CGNL1: variants seen among roughly 807,000 people sequenced by gnomAD.
The protein encoded by CGNL1 is cingulin like 1, also known as cingulin-like protein 1.
In CGNL1, 132 loss-of-function variants were observed where a neutral mutation model predicts 141.2. The observed-to-expected ratio is 0.93, with a 90% CI of 0.81 to 1.08. CGNL1 has a LOEUF of 1.08. Among genes scored for constraint, CGNL1 ranks in the 50% least tolerant of loss-of-function variants. The pLI is 0.00. For missense variants in CGNL1, 1,870 were observed against 1,588.6 expected (o/e 1.18, Z -3.01); for synonymous variants, 690 against 622.1 (o/e 1.11, Z -1.63).
chr15:57,424,103 C>G (rs1041020630), intron 1 of CGNL1, among the ~76,000 whole-genome samples: 2 of 152,344 alleles, frequency 1.3e-5, no homozygotes, highest in East Asian at 3.9e-4. Context: ...CTCCTGCCCA[C>G]TCCTCTGCCC....
Position 57,458,756 on chromosome 15 carries a change from C to T in CGNL1, c.2191-2924C>T, listed in dbSNP as rs987000059. 7.9e-5 allele frequency among the ~76,000 whole-genome samples: 12 copies of T among 152,102 alleles called. No homozygotes were observed. The South Asian group carries it at 1.2e-3, about 16-fold the overall frequency. ...TCTTCCTTAAGAAGGGGCTGGGCAG[C>T]GGCAGCAGGGCGTCCTCTTTGATAA... On this transcript the variant is annotated intron_variant, in intron 7 of 18. Coordinates refer to ENST00000281282, the MANE Select transcript of CGNL1 (RefSeq NM_032866.5).
Position 57,405,774 on chromosome 15 carries a change from C to CTTTCTT in CGNL1, c.-16+29209_-16+29214dup, listed in dbSNP as rs1491048326. On this transcript the variant is annotated intron_variant, in intron 1 of 18. Coordinates refer to ENST00000281282, the MANE Select transcript of CGNL1 (RefSeq NM_032866.5). Reference sequence around the variant, plus strand: ...TTTTTCTTTTTCTTTCTTTCTTTCTCTTTCTTTCTTTCTTTCTTTCTTTCT... The same window carrying CTTTCTT: ...TTTTTCTTTTTCTTTCTTTCTTTCTCTTTCTTTTTCTTTCTTTCTTTCTTTCTTTCT... 3.9e-3 allele frequency among the ~76,000 whole-genome samples: 100 copies of CTTTCTT among 25,730 alleles called. 1 individual carries two copies. Among genetic ancestry groups the CTTTCTT allele is most frequent in the African/African-American group, 0.011 (95 of 8,344 alleles). The allele number at this position is 25,730 out of a possible 152,430, so 16.9% of individuals were successfully genotyped here.
At chr15:57,442,182 G>GGAAAAAAAA (rs1491455852) in intron 3 of CGNL1, among the ~76,000 whole-genome samples, 191 bp from the exon 4 acceptor site, 27 of 96,504 alleles carry the variant, frequency 2.8e-4, no homozygotes, top group Admixed American at 8.5e-4. Flanking sequence ...TCATTTATTT[G>GGAAAAAAAA]AAAAAAAAAA....
intron 1 of CGNL1, among the ~76,000 whole-genome samples, chr15:57,378,799 A>G (rs1204830249): frequency 6.6e-6 from 1 of 152,222 alleles, no homozygotes; most frequent in African/African-American, 2.4e-5. Flanking sequence ...ATTTTGAAAA[A>G]TACAAAAATG....
chr15:57,507,978 A>G (rs918671411), intron 8 of CGNL1, among the ~76,000 whole-genome samples: 2 of 152,248 alleles, frequency 1.3e-5, no homozygotes, highest in African/African-American at 4.8e-5. Context: ...TCGTCATCAT[A>G]CATGAATTGT....
At chr15:57,413,444 A>G (rs1446730759) in intron 1 of CGNL1, among the ~76,000 whole-genome samples, 1 of 152,022 alleles carries the variant, frequency 6.6e-6, no homozygotes, top group East Asian at 1.9e-4. Context: ...TGCCTGGCAA[A>G]TTTTTGTGAA....
intron 8 of CGNL1, among the ~76,000 whole-genome samples, chr15:57,468,724 C>T (rs73419989): frequency 0.012 from 1,778 of 152,210 alleles, 31 homozygotes; most frequent in African/African-American, 0.04. Flanking sequence ...TTGGCTATGT[C>T]CCCACCTAAA....
chr15:57,472,057 C>G (rs181185016), intron 8 of CGNL1, among the ~76,000 whole-genome samples: 107 of 151,876 alleles, frequency 7.0e-4, no homozygotes, highest in African/African-American at 2.5e-3. Flanking sequence ...GGTAAGAGAG[C>G]AAGACCCCCA....
At chr15:57,530,560 C>G (rs1462589806) in intron 13 of CGNL1, among the ~76,000 whole-genome samples, 2 of 152,180 alleles carry the variant, frequency 1.3e-5, no homozygotes, top group Admixed American at 1.3e-4. Flanking sequence ...AAATGCAGCT[C>G]TTGTGGATCC....
At chr15:57,398,447 C>A (rs8038172) in intron 1 of CGNL1, 57,640 of 151,918 alleles carry the variant, frequency 0.38, 11,277 homozygotes, top group East Asian at 0.6. Flanking sequence ...ATCATATCAC[C>A]ATTTTCCTGT....
chr15:57,531,883 G>A, intron 14 of CGNL1, 104 bp downstream of exon 14: 1 of 712,874 alleles, frequency 1.4e-6, no homozygotes, highest in Non-Finnish European at 2.5e-6. Flanking sequence ...AAAAATTCAT[G>A]CCATCTAGAA....
intron 8 of CGNL1, among the ~76,000 whole-genome samples, chr15:57,515,028 A>C (rs921466080): frequency 2.0e-5 from 3 of 152,022 alleles, no homozygotes; most frequent in Non-Finnish European, 4.4e-5. Flanking sequence ...TTAATAGGAG[A>C]GTTAGGGCAG....
At chr15:57,504,963 G>A (rs531271420) in intron 8 of CGNL1, among the ~76,000 whole-genome samples, 23 of 152,288 alleles carry the variant, frequency 1.5e-4, no homozygotes, top group African/African-American at 4.8e-4. Context: ...AGCAGTCCTG[G>A]GGAAGGTCTT....
At chr15:57,530,900 T>C (rs2031915851) in intron 13 of CGNL1, among the ~76,000 whole-genome samples, 2 of 152,222 alleles carry the variant, frequency 1.3e-5, no homozygotes, top group African/African-American at 4.8e-5. Context: ...ATTTAAAACT[T>C]GGAATGCCAA....
At chr15:57,396,213 T>C (rs574671253) in intron 1 of CGNL1, among the ~76,000 whole-genome samples, 1 of 152,258 alleles carries the variant, frequency 6.6e-6, no homozygotes, top group East Asian at 1.9e-4. Context: ...CTTCTACTGT[T>C]GATGGACTTT....
At position 57,416,319 on chromosome 15, in the gene CGNL1, C is replaced by G. The variant is rs186511390; in HGVS notation, c.-15-21666C>G. On this transcript the variant is annotated intron_variant, in intron 1 of 18. Coordinates refer to ENST00000281282, the MANE Select transcript of CGNL1 (RefSeq NM_032866.5). Reference sequence around the variant, plus strand: ...TCAGAGTTGCAGGTTGGTAACTTGCCCAAAGTCTCACTGCTTGTTTAGGCA... The same window carrying G: ...TCAGAGTTGCAGGTTGGTAACTTGCGCAAAGTCTCACTGCTTGTTTAGGCA... Among the ~76,000 whole-genome samples the G allele has an allele frequency of 3.3e-5, 5 of 151,922 alleles. No homozygotes were observed. In the South Asian group the frequency reaches 8.3e-4, roughly 25 times the overall value.
In CGNL1 at chr15:57,442,554, G is replaced by T. The variant is rs534546798; in HGVS notation, c.1803+76G>T. The stretch of plus-strand genomic sequence containing the variant: ...AAACAACTTGCTGTTTCTTCAGTCT[G>T]TATGTTTGTTTATAGCAGTAAGTGG... On this transcript the variant is annotated intron_variant, in intron 4 of 18. Coordinates refer to ENST00000281282, the MANE Select transcript of CGNL1 (RefSeq NM_032866.5). The T allele has an allele frequency of 5.9e-5, 54 of 909,906 alleles. No homozygotes were observed. In the African/African-American group the frequency reaches 8.4e-4, roughly 14 times the overall value. 56.4% of individuals were successfully genotyped at this position (909,906 alleles called of 1,614,324 possible).
At chr15:57,516,291 C>T (rs1172653822) in intron 8 of CGNL1, among the ~76,000 whole-genome samples, 1 of 152,096 alleles carries the variant, frequency 6.6e-6, no homozygotes, top group Non-Finnish European at 1.5e-5. Context: ...TGCAGTTCCT[C>T]CTAAGTGATC....
intron 8 of CGNL1, among the ~76,000 whole-genome samples, chr15:57,471,559 G>C (rs1410690808): frequency 6.6e-6 from 1 of 152,224 alleles, no homozygotes; most frequent in Non-Finnish European, 1.5e-5. Context: ...TAGTTGGGTA[G>C]AGAAGGAGGT....
Sources: gnomAD v4.1 joint callset for allele counts (sites outside exome capture counted in the v4.1 genomes callset) on GRCh38, gnomAD v4.1.1 for gene constraint, MANE v1.5 for transcripts, NCBI Gene and HGNC (gene_info 2026-07-23, HGNC 2026-07-21) for gene names.